Variants in DIRAS2 observed in about 807,000 individuals in gnomAD.
DIRAS2 encodes the protein DIRAS family GTPase 2.
DIRAS2 carries 5 observed loss-of-function variants against 13.9 expected under a neutral mutation model. The ratio of observed to expected loss-of-function variants is 0.36; its 90% CI spans 0.19 to 0.76. DIRAS2 has a LOEUF of 0.76. DIRAS2 is among the 30% of genes least tolerant of loss of function. The pLI is 0.53. For missense variants in DIRAS2, 191 were observed against 263.0 expected (o/e 0.73, Z 1.89); for synonymous variants, 111 against 105.4 (o/e 1.05, Z -0.33).
At chr9:90,614,340 G>A (rs1461407499) in intron 1 of DIRAS2, among the ~76,000 whole-genome samples, 4 of 151,800 alleles carry the variant, frequency 2.6e-5, no homozygotes, top group African/African-American at 9.7e-5. Flanking sequence ...GTGTGTGTGT[G>A]TGTGTGTGTG....
intron 1 of DIRAS2, among the ~76,000 whole-genome samples, chr9:90,631,603 G>A (rs1033904900): frequency 4.6e-5 from 7 of 152,054 alleles, no homozygotes; most frequent in African/African-American, 1.4e-4. Flanking sequence ...CACCATCACT[G>A]CAACTAGCTC....
At chr9:90,636,274 G>A (rs1157437477) in intron 1 of DIRAS2, among the ~76,000 whole-genome samples, 2 of 151,844 alleles carry the variant, frequency 1.3e-5, no homozygotes, top group African/African-American at 2.4e-5. Flanking sequence ...TCCTGACCTC[G>A]TGATCCACCC....
intron 1 of DIRAS2, among the ~76,000 whole-genome samples, chr9:90,632,035 C>T (rs1825329206): frequency 2.0e-5 from 3 of 152,216 alleles, no homozygotes; most frequent in Admixed American, 2.0e-4. Flanking sequence ...CCAGACTCCA[C>T]CATGAATCAC....
chr9:90,617,845 A>G (rs1051411845), intron 1 of DIRAS2, among the ~76,000 whole-genome samples: 3 of 152,248 alleles, frequency 2.0e-5, no homozygotes, highest in East Asian at 1.9e-4. Flanking sequence ...CAAAAAGAGT[A>G]AGATACTTAG....
intron 1 of DIRAS2, among the ~76,000 whole-genome samples, chr9:90,639,284 C>T (rs138217724): frequency 1.7e-3 from 255 of 152,174 alleles, no homozygotes; most frequent in African/African-American, 6.0e-3. Context: ...TTCAAGAATC[C>T]GGTATTCATG....
chr9:90,641,779 AT>A (rs1308663503), intron 1 of DIRAS2, among the ~76,000 whole-genome samples: 2 of 152,174 alleles, frequency 1.3e-5, no homozygotes, highest in African/African-American at 4.8e-5. Flanking sequence ...CAAAAATAAT[AT>A]TTTTGAAAAT....
chr9:90,642,481 A>T (rs979875711), intron 1 of DIRAS2, among the ~76,000 whole-genome samples: 6 of 152,186 alleles, frequency 3.9e-5, no homozygotes, highest in Admixed American at 3.9e-4. Flanking sequence ...CAAAACGGTA[A>T]ATCCTGTTTT....
chr9:90,629,531 A>G (rs995783629), intron 1 of DIRAS2, among the ~76,000 whole-genome samples: 3 of 152,062 alleles, frequency 2.0e-5, no homozygotes, highest in Non-Finnish European at 4.4e-5. Flanking sequence ...ACATATAGAA[A>G]AAAAAAAAAC....
chr9:90,613,807 A>G lies in DIRAS2; in HGVS notation c.21T>C (p.Asp7=), dbSNP rs752959793. 1.9e-6 allele frequency: 3 copies of G among 1,613,524 alleles called. No individual in the cohort carries two copies. The highest frequency in any genetic ancestry group is 1.7e-4 in the Middle Eastern group (1 of 6,060). Residue 7 remains aspartate (D), a synonymous_variant, in exon 2 of 2, where the codon GAT becomes GAC. Transcript: ENST00000375765. The surrounding 1 kb of genome is among the most constrained non-coding windows in gnomAD (Gnocchi z 5.6). MPEQSN[D]YRVAVFGAGG... ...CAGCCCCAAACACGGCCACCCGGTAATCGTTACTCTGCTCAGGCATGTTGC... is the reference window on the plus strand; with the variant it reads ...CAGCCCCAAACACGGCCACCCGGTAGTCGTTACTCTGCTCAGGCATGTTGC...
intron 1 of DIRAS2, among the ~76,000 whole-genome samples, chr9:90,623,098 C>G (rs553416297): frequency 6.6e-6 from 1 of 152,298 alleles, no homozygotes; most frequent in South Asian, 2.1e-4. Context: ...TGAATTTCAA[C>G]AAGAATGCTC....
At position 90,613,216 on chromosome 9, in the gene DIRAS2, C is replaced by T; in HGVS notation, c.*12G>A. 6.2e-7 allele frequency: 1 copy of T among 1,601,482 alleles called. No individual in the cohort carries two copies. The highest frequency in any genetic ancestry group is 1.3e-5 in the African/African-American group (1 of 74,752). On this transcript the variant is annotated 3_prime_UTR_variant, in exon 2 of 2. Transcript: ENST00000375765. The surrounding 1 kb of genome is among the most constrained non-coding windows in gnomAD (Gnocchi z 5.6). ...CGGGGACACACAGCTGCTCCTCCCG[C>T]AGGAAGGGCCTTCACATGATCACGC...
chr9:90,621,531 A>C (rs923288983), intron 1 of DIRAS2, among the ~76,000 whole-genome samples: 2 of 152,240 alleles, frequency 1.3e-5, no homozygotes, highest in Non-Finnish European at 2.9e-5. Context: ...ATAATTTTTT[A>C]TAAAAGTACA....
chr9:90,617,012 C>T (rs1293120077), intron 1 of DIRAS2, among the ~76,000 whole-genome samples: 1 of 152,148 alleles, frequency 6.6e-6, no homozygotes, highest in Admixed American at 6.5e-5. Context: ...TCACAGAGGG[C>T]TGGAACTTGC....
In DIRAS2 at chr9:90,609,846, T is replaced by C. The variant is rs1032020669; in HGVS notation, c.*3382A>G. The C allele has an allele frequency of 6.6e-6, 1 of 152,268 alleles. No homozygotes were observed. The highest frequency in any genetic ancestry group is 2.4e-5 in the African/African-American group (1 of 41,472). The allele number at this position is 152,268 out of a possible 1,614,324, so 9.4% of individuals were successfully genotyped here. ...CACCTTCCAGCCAGGGTGTCATAAC[T>C]GTAGCTTTATTGTAATATCTCCCAT... On this transcript the variant is annotated 3_prime_UTR_variant, in exon 2 of 2. Coordinates refer to ENST00000375765, the MANE Select transcript of DIRAS2 (RefSeq NM_017594.5).
intron 1 of DIRAS2, among the ~76,000 whole-genome samples, chr9:90,622,340 C>T (rs559861388): frequency 2.0e-5 from 3 of 152,286 alleles, no homozygotes; most frequent in South Asian, 4.2e-4. Context: ...AACTATTTTT[C>T]ACTGCAGGAG....
chr9:90,632,847 G>GTGGGA (rs1825337458), intron 1 of DIRAS2, among the ~76,000 whole-genome samples: 1 of 152,234 alleles, frequency 6.6e-6, no homozygotes, highest in African/African-American at 2.4e-5. Flanking sequence ...ATGTGTTTCT[G>GTGGGA]TGGGCTGGGC....
rs149913269 is a variant in DIRAS2, at chr9:90,613,693, C to A, written c.135G>T (p.Arg45=). ...SYIPTVEDTY[R]QVISCDKSIC... ...TGCTCTTGTCACAGCTGATCACTTG[C>A]CGGTAGGTGTCTTCCACCGTCGGGA... Residue 45 remains arginine, a synonymous_variant, in exon 2 of 2, where the codon CGG becomes CGT. Transcript: ENST00000375765. The surrounding 1 kb of genome is among the most constrained non-coding windows in gnomAD (Gnocchi z 5.6). The A allele has an allele frequency of 6.2e-7, 1 of 1,613,968 alleles. No individual in the cohort carries two copies. The highest frequency in any genetic ancestry group is 1.3e-5 in the African/African-American group (1 of 74,882).
chr9:90,628,300 A>G lies in DIRAS2; in HGVS notation c.-36-14437T>C, dbSNP rs181999406. The stretch of plus-strand genomic sequence containing the variant: ...CTGCCCTGGATTTTGAAAACTTAGA[A>G]TAAAAAATTGTTTTTAACCTCATTC... On this transcript the variant is annotated intron_variant, in intron 1 of 1. Transcript: ENST00000375765. 1.6e-3 allele frequency among the ~76,000 whole-genome samples: 237 copies of G among 152,332 alleles called. 1 individual carries two copies. The highest frequency in any genetic ancestry group is 5.5e-3 in the African/African-American group (227 of 41,574).
chr9:90,624,793 C>T (rs1163634733), intron 1 of DIRAS2, among the ~76,000 whole-genome samples: 3 of 151,912 alleles, frequency 2.0e-5, no homozygotes, highest in Admixed American at 1.3e-4. Flanking sequence ...CTCCCTGCAA[C>T]CTCTTCGGCC....
Sources: allele counts gnomAD v4.1 joint callset (sites outside exome capture counted in the v4.1 genomes callset), GRCh38; gene constraint gnomAD v4.1.1; non-coding constraint Gnocchi (gnomAD v3.1); transcripts MANE v1.5; gene names NCBI Gene and HGNC (gene_info 2026-07-23, HGNC 2026-07-21).